Variants in PTBP3 observed in about 807,000 individuals in gnomAD.
PTBP3 encodes polypyrimidine tract binding protein 3.
PTBP3 carries 20 observed loss-of-function variants against 58.7 expected under a neutral mutation model. That is an observed-to-expected ratio of 0.34 (90% CI 0.24 to 0.50). The LOEUF is 0.50. PTBP3 is among the 20% of genes least tolerant of loss of function. The pLI, the probability that PTBP3 is intolerant of heterozygous loss-of-function variation, is 0.98. For synonymous variants in PTBP3, 185 were observed against 219.8 expected (o/e 0.84, Z 1.40); for missense variants, 509 against 637.2 (o/e 0.80, Z 2.17).
chr9:112,233,406 A>G (rs900433618), intron 8 of PTBP3, among the ~76,000 whole-genome samples: 10 of 151,856 alleles, frequency 6.6e-5, no homozygotes, highest in African/African-American at 2.4e-4. Flanking sequence ...ATTTATATAT[A>G]GAGTATATCT....
rs61624494 is a variant in PTBP3, at chr9:112,320,316, T to TA, written c.-52+13153_-52+13154insT. On this transcript the variant is annotated intron_variant, in intron 1 of 13. Transcript: ENST00000374257. ...AATATATATATATATATATATATAT[T>TA]TTTTTTTAAGTGTTATCACCAGAAA... 2.4e-3 allele frequency among the ~76,000 whole-genome samples: 75 copies of TA among 31,580 alleles called. 1 individual carries two copies. Among genetic ancestry groups the TA allele is most frequent in the South Asian group, 4.8e-3 (5 of 1,032 alleles). 20.7% of individuals were successfully genotyped at this position (31,580 alleles called of 152,430 possible). A position where few individuals can be genotyped will look rare whatever the true frequency, so the allele number is the denominator to read the frequency against.
intron 2 of PTBP3, among the ~76,000 whole-genome samples, chr9:112,294,022 C>G (rs1217031529): frequency 6.6e-6 from 1 of 152,222 alleles, no homozygotes; most frequent in Non-Finnish European, 1.5e-5. Flanking sequence ...TACCCCACGA[C>G]CAAGTTGGTT....
At chr9:112,281,053 G>A (rs934011439) in intron 2 of PTBP3, 1 of 152,144 alleles carries the variant, frequency 6.6e-6, no homozygotes, top group Non-Finnish European at 1.5e-5. Flanking sequence ...AGTACCTGTA[G>A]TCTCAGCTAC....
chr9:112,231,341 C>A, intron 10 of PTBP3, 39 bp downstream of exon 10: 1 of 1,508,748 alleles, frequency 6.6e-7, no homozygotes. Context: ...GCTCAATTCA[C>A]ACCTGTAGAC....
the PTBP3 span, among the ~76,000 whole-genome samples, chr9:112,372,989 G>A: frequency 6.6e-6 from 1 of 151,174 alleles, no homozygotes; most frequent in Non-Finnish European, 1.5e-5. Context: ...GCCTCTCCCA[G>A]GTTCAAGCAA....
intron 8 of PTBP3, among the ~76,000 whole-genome samples, chr9:112,232,852 A>G (rs1399574147): frequency 6.6e-6 from 1 of 152,204 alleles, no homozygotes; most frequent in Non-Finnish European, 1.5e-5. Flanking sequence ...CAGTAACAGC[A>G]GAATACTGAC....
rs60399829 is a variant in PTBP3 at position 112,253,756 on chromosome 9, G to A, written c.517-968C>T. Among the ~76,000 whole-genome samples the A allele has an allele frequency of 3.7e-3, 562 of 152,090 alleles. 4 individuals carry two copies. The highest frequency in any genetic ancestry group is 0.013 in the African/African-American group (542 of 41,472). On this transcript the variant is annotated intron_variant, in intron 5 of 13. Coordinates refer to ENST00000374257, the MANE Select transcript of PTBP3 (RefSeq NM_001163788.4). ...GTTTAAAAGGGGCAGTTTCCCCTGC[G>A]CACTCTCTCTCTCCTGCCACCATGT...
the PTBP3 span, among the ~76,000 whole-genome samples, chr9:112,340,221 C>T: frequency 6.6e-6 from 1 of 152,204 alleles, no homozygotes; most frequent in Non-Finnish European, 1.5e-5. Context: ...TGTGAAACAG[C>T]TTGTGCCTTG....
intron 7 of PTBP3, among the ~76,000 whole-genome samples, chr9:112,246,435 C>T (rs1214071378): frequency 6.6e-6 from 1 of 151,996 alleles, no homozygotes; most frequent in Non-Finnish European, 1.5e-5. Context: ...TGGCTCACGC[C>T]TGTAATCCCA....
At chr9:112,348,824 C>A in the PTBP3 span, among the ~76,000 whole-genome samples, 1 of 152,134 alleles carries the variant, frequency 6.6e-6, no homozygotes, top group Non-Finnish European at 1.5e-5. Flanking sequence ...CAATACCACC[C>A]CCCCTCCCAG....
At chr9:112,305,018 T>A (rs755405805) in intron 1 of PTBP3, among the ~76,000 whole-genome samples, 3 of 152,192 alleles carry the variant, frequency 2.0e-5, no homozygotes, top group Non-Finnish European at 4.4e-5. Flanking sequence ...AATCTCAAAT[T>A]CCTATAGCAA....
chr9:112,334,935 C>T (rs1230631883), upstream of PTBP3, among the ~76,000 whole-genome samples: 1 of 152,156 alleles, frequency 6.6e-6, no homozygotes, highest in African/African-American at 2.4e-5. Context: ...CAGTCCCCTT[C>T]CAAAATGTCA....
At chr9:112,371,646 ATTTTTTTTTT>A in the PTBP3 span, among the ~76,000 whole-genome samples, 3 of 127,548 alleles carry the variant, frequency 2.4e-5, no homozygotes, top group African/African-American at 6.1e-5. Context: ...TTTTTAGTAG[ATTTTTTTTTT>A]TTTTTTTTTT....
the PTBP3 span, among the ~76,000 whole-genome samples, chr9:112,371,873 A>T: frequency 6.6e-6 from 1 of 152,048 alleles, no homozygotes; most frequent in Admixed American, 6.6e-5. Context: ...AGCTGGGATC[A>T]CAGGCATGCA....
chr9:112,290,705 T>TAC (rs1418787518), intron 2 of PTBP3, among the ~76,000 whole-genome samples: 1,668 of 72,906 alleles, frequency 0.023, 43 homozygotes, highest in African/African-American at 0.06. Flanking sequence ...TATATATATA[T>TAC]ATACACACAC....
the PTBP3 span, among the ~76,000 whole-genome samples, chr9:112,362,023 T>C: frequency 6.6e-6 from 1 of 152,332 alleles, no homozygotes; most frequent in South Asian, 2.1e-4. Context: ...CTTGTTGCCA[T>C]TAGTATATCT....
Position 112,234,862 on chromosome 9 carries a change from C to T in PTBP3, c.838G>A (p.Ala280Thr). 1 of 1,612,906 alleles carries T rather than the reference C, an allele frequency of 6.2e-7. No homozygotes were observed. The highest frequency in any genetic ancestry group is 1.1e-5 in the South Asian group (1 of 91,024). ...PGIISSPYAGAAGFAPAIGFP... is the reference protein window; with the variant it reads ...PGIISSPYAGTAGFAPAIGFP... ...CCAATGGCTGGGGCAAATCCAGCAG[C>T]CCCTGCATATGGTGAAGAAATTATA... is the stretch of plus-strand genomic sequence containing the variant. The change falls in exon 8 of 14, where the codon GCT becomes ACT. Residue 280 changes from alanine (A) to threonine (T), a missense_variant. Ala to Thr is a moderately conservative substitution (Grantham distance 58). Coordinates refer to ENST00000374257, the MANE Select transcript of PTBP3 (RefSeq NM_001163788.4).
intron 2 of PTBP3, among the ~76,000 whole-genome samples, chr9:112,286,863 C>T (rs1828141977): frequency 1.3e-5 from 2 of 152,288 alleles, no homozygotes; most frequent in Middle Eastern, 3.4e-3. Flanking sequence ...AAGATTTTAA[C>T]TTCATTTTTA....
At chr9:112,360,472 T>A in the PTBP3 span, among the ~76,000 whole-genome samples, 7 of 152,142 alleles carry the variant, frequency 4.6e-5, no homozygotes, top group South Asian at 2.1e-4. Flanking sequence ...AGGCATGAGG[T>A]ACAGTTTCTG....
Sources: gnomAD v4.1 joint callset for allele counts (sites outside exome capture counted in the v4.1 genomes callset) on GRCh38, gnomAD v4.1.1 for gene constraint, MANE v1.5 for transcripts, NCBI Gene and HGNC (gene_info 2026-07-23, HGNC 2026-07-21) for gene names.